GUCY1A2: variants seen among roughly 807,000 people sequenced by gnomAD.
The protein encoded by GUCY1A2 is guanylate cyclase soluble subunit alpha-2.
A neutral mutation model predicts 63.5 loss-of-function variants in GUCY1A2; 27 were observed. That is an observed-to-expected ratio of 0.43 (90% CI 0.31 to 0.59). The LOEUF (loss-of-function observed/expected upper bound fraction) is 0.59. GUCY1A2 is among the 20% of genes least tolerant of loss of function. The probability of loss-of-function intolerance (pLI) is 0.11; values close to 1 mark genes in which losing one functional copy is unlikely to be tolerated. For missense variants in GUCY1A2, 768 were observed against 913.3 expected, an observed-to-expected ratio of 0.84 and a Z score of 2.05; for synonymous variants, 364 against 343.5, an observed-to-expected ratio of 1.06 and a Z score of -0.66.
chr11:106,922,549 CATATAT>C (rs754520251), intron 4 of GUCY1A2, among the ~76,000 whole-genome samples: 1 of 145,636 alleles, frequency 6.9e-6, no homozygotes, highest in Non-Finnish European at 1.5e-5. Flanking sequence ...CACACACGAA[CATATAT>C]ATATATATAT....
chr11:106,818,914 G>A (rs1858865704), intron 4 of GUCY1A2, among the ~76,000 whole-genome samples: 1 of 152,136 alleles, frequency 6.6e-6, no homozygotes, highest in Non-Finnish European at 1.5e-5. Flanking sequence ...GAAGGCTGAG[G>A]GAGGTGAGGA....
At chr11:106,717,799 T>C (rs1863240899) in intron 6 of GUCY1A2, among the ~76,000 whole-genome samples, 2 of 152,202 alleles carry the variant, frequency 1.3e-5, no homozygotes, top group Non-Finnish European at 1.5e-5. Flanking sequence ...TAAAGTTTTA[T>C]TAAATACTCC....
At chr11:106,839,386 T>C (rs902456590) in intron 4 of GUCY1A2, among the ~76,000 whole-genome samples, 2 of 151,746 alleles carry the variant, frequency 1.3e-5, no homozygotes, top group Non-Finnish European at 2.9e-5. Flanking sequence ...CGTGGAGAAA[T>C]AGGAACACTT....
intron 4 of GUCY1A2, among the ~76,000 whole-genome samples, chr11:106,847,852 G>A (rs192682277): frequency 6.6e-6 from 1 of 151,540 alleles, no homozygotes; most frequent in Admixed American, 6.6e-5. Context: ...AATAAGAAAT[G>A]CTTTTTTTTA....
chr11:106,845,340 G>A (rs1252511443), intron 4 of GUCY1A2, among the ~76,000 whole-genome samples: 1 of 151,266 alleles, frequency 6.6e-6, no homozygotes, highest in Non-Finnish European at 1.5e-5. Flanking sequence ...AGTCCTTACA[G>A]TATTGCTCCC....
At chr11:106,875,202 G>C (rs1325886705) in intron 4 of GUCY1A2, among the ~76,000 whole-genome samples, 1 of 152,044 alleles carries the variant, frequency 6.6e-6, no homozygotes, top group African/African-American at 2.4e-5. Flanking sequence ...AAATTACCAG[G>C]AGGTAGCAAG....
chr11:106,887,835 T>G (rs1859919620), intron 4 of GUCY1A2, among the ~76,000 whole-genome samples: 1 of 152,232 alleles, frequency 6.6e-6, no homozygotes, highest in Non-Finnish European at 1.5e-5. Context: ...TGGTATACAC[T>G]GATTAAAAGC....
intron 1 of GUCY1A2, among the ~76,000 whole-genome samples, chr11:107,010,616 C>T (rs1373502666): frequency 2.0e-5 from 3 of 151,942 alleles, no homozygotes; most frequent in Admixed American, 2.0e-4. Flanking sequence ...GATGAAAAAT[C>T]TAAATATTTT....
rs560518945 is a variant in GUCY1A2, at chr11:106,909,649, T to A, written c.1206+29811A>T. ...GCTGTCGTTATTCACTCAGCACAAT[T>A]CTCTACAGATGAATCCAAGTTTTGC... On this transcript the variant is annotated intron_variant, in intron 4 of 7. Transcript: ENST00000526355. Among the ~76,000 whole-genome samples the A allele has an allele frequency of 7.9e-5, 12 of 152,036 alleles. No homozygotes were observed. In the South Asian group the frequency reaches 2.5e-3, roughly 32 times the overall value.
At chr11:106,948,894 T>C (rs1468436593) in intron 3 of GUCY1A2, among the ~76,000 whole-genome samples, 1 of 152,046 alleles carries the variant, frequency 6.6e-6, no homozygotes, top group Non-Finnish European at 1.5e-5. Context: ...TCCAGATCAA[T>C]TAAGATCGTA....
intron 4 of GUCY1A2, among the ~76,000 whole-genome samples, chr11:106,901,158 C>T (rs1330197515): frequency 6.6e-6 from 1 of 152,184 alleles, no homozygotes; most frequent in African/African-American, 2.4e-5. Flanking sequence ...CAACAACGTT[C>T]ACACATCTTT....
In GUCY1A2 at chr11:106,678,290, A is replaced by G. The variant is rs1271664455; in HGVS notation, c.*9259T>C. ...TTATCTGAGAGTCCAAGCCAAGGTT[A>G]AGTTTTGGTTTCAGTGTGGTAATTT... is the stretch of plus-strand genomic sequence containing the variant. On this transcript the variant is annotated 3_prime_UTR_variant, in exon 8 of 8. Coordinates refer to ENST00000526355, the MANE Select transcript of GUCY1A2 (RefSeq NM_000855.3). The G allele has an allele frequency of 4.9e-6, 1 of 205,352 alleles. No homozygotes were observed. Among genetic ancestry groups the G allele is most frequent in the African/African-American group, 2.3e-5 (1 of 43,790 alleles). 12.7% of individuals were successfully genotyped at this position (205,352 alleles called of 1,614,324 possible).
At chr11:106,938,572 T>A (rs1442509966) in intron 4 of GUCY1A2, among the ~76,000 whole-genome samples, 1 of 152,168 alleles carries the variant, frequency 6.6e-6, no homozygotes, top group Non-Finnish European at 1.5e-5. Context: ...GACACTCTAC[T>A]GGAAACTGAA....
intron 6 of GUCY1A2, among the ~76,000 whole-genome samples, chr11:106,739,645 GCTC>G (rs1863655426): frequency 6.6e-6 from 1 of 152,098 alleles, no homozygotes; most frequent in African/African-American, 2.4e-5. Context: ...TCTCTTTTAT[GCTC>G]CTAATTAGTT....
At chr11:106,842,696 C>A (rs1859216456) in intron 4 of GUCY1A2, among the ~76,000 whole-genome samples, 1 of 151,810 alleles carries the variant, frequency 6.6e-6, no homozygotes. Context: ...TAGTGTGAAC[C>A]AGATCATAGT....
intron 3 of GUCY1A2, among the ~76,000 whole-genome samples, chr11:106,974,642 G>A (rs1861239333): frequency 6.6e-6 from 1 of 151,956 alleles, no homozygotes; most frequent in Non-Finnish European, 1.5e-5. Flanking sequence ...AGCCCCAAAG[G>A]TCATTTCCTC....
chr11:106,913,128 T>C (rs775659478), intron 4 of GUCY1A2, among the ~76,000 whole-genome samples: 9,296 of 114,022 alleles, frequency 0.082, 401 homozygotes, highest in Non-Finnish European at 0.12. Flanking sequence ...TCAAAAGATA[T>C]ATATATATAT....
chr11:106,693,707 T>C (rs1396588082), intron 7 of GUCY1A2, among the ~76,000 whole-genome samples: 1 of 152,160 alleles, frequency 6.6e-6, no homozygotes, highest in African/African-American at 2.4e-5. Flanking sequence ...TTCTGGAAGA[T>C]TGCATCCAAC....
chr11:106,936,626 C>A (rs1357562608), intron 4 of GUCY1A2: 1 of 1,404,270 alleles, frequency 7.1e-7, no homozygotes, highest in East Asian at 2.5e-5. Context: ...TTGGTCAAGC[C>A]ATCTGGAAGA....
Sources: allele counts gnomAD v4.1 joint callset (sites outside exome capture counted in the v4.1 genomes callset), GRCh38; gene constraint gnomAD v4.1.1; transcripts MANE v1.5; gene names NCBI Gene and HGNC (gene_info 2026-07-23, HGNC 2026-07-21).